The following DSCAM variants were observed in gnomAD, a reference collection of about 807,000 sequenced individuals.
DSCAM encodes the protein DS cell adhesion molecule.
DSCAM carries 47 observed loss-of-function variants against 217.7 expected under a neutral mutation model. That is an observed-to-expected ratio of 0.22 (90% CI 0.17 to 0.28). The LOEUF (loss-of-function observed/expected upper bound fraction) is 0.28, where lower values mean the gene tolerates loss of function less well. Ranked by LOEUF, DSCAM falls within the 10% of genes least tolerant of loss-of-function variation. The probability of loss-of-function intolerance (pLI) is 1.00; values close to 1 mark genes in which losing one functional copy is unlikely to be tolerated. For missense variants in DSCAM, 2,080 were observed against 2,618.3 expected (o/e 0.79, Z 4.49); for synonymous variants, 1,056 against 1,015.3 (o/e 1.04, Z -0.76).
chr21:40,326,931 T>C (rs866446054), intron 8 of DSCAM, among the ~76,000 whole-genome samples: 6 of 149,540 alleles, frequency 4.0e-5, no homozygotes, highest in Non-Finnish European at 7.4e-5. Context: ...ACTATATGTA[T>C]ATTTATATTT....
intron 16 of DSCAM, among the ~76,000 whole-genome samples, chr21:40,162,953 T>C (rs951006876): frequency 6.6e-6 from 1 of 152,202 alleles, no homozygotes; most frequent in African/African-American, 2.4e-5. Context: ...ACAAATTTTA[T>C]ATCAATAGGA....
chr21:40,254,896 G>A (rs1012781945), intron 11 of DSCAM, among the ~76,000 whole-genome samples: 2 of 151,914 alleles, frequency 1.3e-5, no homozygotes, highest in Non-Finnish European at 2.9e-5. Context: ...GTGCCATCTA[G>A]TAAGTGCCTT....
intron 11 of DSCAM, among the ~76,000 whole-genome samples, chr21:40,247,705 G>T (rs758828899): frequency 6.6e-6 from 1 of 152,222 alleles, no homozygotes; most frequent in Non-Finnish European, 1.5e-5. Context: ...GTAGGCACAT[G>T]ATGCAAACTG....
chr21:40,142,827 T>C, intron 17 of DSCAM, 123 bp from the exon 18 acceptor site: 2 of 1,120,622 alleles, frequency 1.8e-6, no homozygotes, highest in Middle Eastern at 5.2e-4. Context: ...AACCCCAAAA[T>C]GAAAGAAAAA....
At chr21:40,485,314 C>T (rs1028797011) in intron 3 of DSCAM, among the ~76,000 whole-genome samples, 8 of 148,464 alleles carry the variant, frequency 5.4e-5, no homozygotes. Flanking sequence ...GCGATCTCGG[C>T]TCACTGCAAG....
At chr21:40,684,622 G>A (rs1362672190) in intron 3 of DSCAM, among the ~76,000 whole-genome samples, 1 of 152,216 alleles carries the variant, frequency 6.6e-6, no homozygotes, top group East Asian at 1.9e-4. Flanking sequence ...TTCTTGAGTA[G>A]CTAGCAAGTT....
chr21:40,148,650 G>A (rs1483365955), intron 16 of DSCAM, among the ~76,000 whole-genome samples: 3 of 151,746 alleles, frequency 2.0e-5, no homozygotes, highest in African/African-American at 7.3e-5. Flanking sequence ...CACCTCTGCA[G>A]GTCACTGTCA....
chr21:40,817,304 C>A (rs759803573), intron 1 of DSCAM, among the ~76,000 whole-genome samples: 5 of 152,144 alleles, frequency 3.3e-5, no homozygotes, highest in Non-Finnish European at 5.9e-5. Context: ...AGCTTAAGTG[C>A]AAATCAGATC....
chr21:40,336,903 C>T (rs2074434932), intron 8 of DSCAM, among the ~76,000 whole-genome samples: 2 of 152,100 alleles, frequency 1.3e-5, no homozygotes, highest in African/African-American at 2.4e-5. Flanking sequence ...ATAAACACAA[C>T]CACCAAATGA....
intron 1 of DSCAM, among the ~76,000 whole-genome samples, chr21:40,808,667 G>A (rs554837314): frequency 6.6e-6 from 1 of 151,966 alleles, no homozygotes; most frequent in East Asian, 1.9e-4. Flanking sequence ...GTAGAGACAG[G>A]ATTTCACCAT....
intron 1 of DSCAM, among the ~76,000 whole-genome samples, chr21:40,821,414 C>A (rs1340378113): frequency 1.3e-5 from 2 of 151,886 alleles, no homozygotes; most frequent in Non-Finnish European, 2.9e-5. Flanking sequence ...CACACACACA[C>A]ACACCCCACA....
At chr21:40,261,636 A>G (rs1475604517) in intron 11 of DSCAM, among the ~76,000 whole-genome samples, 2 of 115,400 alleles carry the variant, frequency 1.7e-5, no homozygotes, top group Non-Finnish European at 1.7e-5. Context: ...TAATAAACTT[A>G]TTCTCTCTCT....
intron 18 of DSCAM, among the ~76,000 whole-genome samples, chr21:40,137,336 A>G (rs1479706969): frequency 2.6e-5 from 4 of 152,000 alleles, no homozygotes; most frequent in Non-Finnish European, 5.9e-5. Flanking sequence ...CAAAATCCCA[A>G]TTTTAAGATT....
intron 3 of DSCAM, among the ~76,000 whole-genome samples, chr21:40,578,383 A>G (rs563950098): frequency 1.3e-5 from 2 of 152,176 alleles, no homozygotes; most frequent in Admixed American, 1.3e-4. Flanking sequence ...GTGTCTAGCT[A>G]AAGGATTGTA....
At chr21:40,734,186 G>T (rs981902953) in intron 1 of DSCAM, among the ~76,000 whole-genome samples, 1 of 152,156 alleles carries the variant, frequency 6.6e-6, no homozygotes, top group African/African-American at 2.4e-5. Flanking sequence ...GCTAAATGTT[G>T]TCAAAAGATG....
chr21:40,825,470 A>AC (rs1476299147), intron 1 of DSCAM, among the ~76,000 whole-genome samples: 1 of 151,986 alleles, frequency 6.6e-6, no homozygotes, highest in Non-Finnish European at 1.5e-5. Context: ...GGCACTTACC[A>AC]CCACGCCCGG....
intron 9 of DSCAM, among the ~76,000 whole-genome samples, chr21:40,299,401 A>AT (rs1395029832): frequency 6.6e-6 from 1 of 152,138 alleles, no homozygotes; most frequent in East Asian, 1.9e-4. Context: ...GTGAGTTACA[A>AT]TAAGAACTCT....
chr21:40,740,054 C>T (rs1176917208), intron 1 of DSCAM, among the ~76,000 whole-genome samples: 1 of 143,866 alleles, frequency 7.0e-6, no homozygotes, highest in Non-Finnish European at 1.5e-5. Flanking sequence ...TGTGACAACA[C>T]CTGTATGTGG....
At chr21:40,256,032 C>G (rs1294228454) in intron 11 of DSCAM, among the ~76,000 whole-genome samples, 1 of 152,222 alleles carries the variant, frequency 6.6e-6, no homozygotes, top group African/African-American at 2.4e-5. Context: ...CCTTAAGTCA[C>G]TAAGTTTGTG....
Sources: allele counts gnomAD v4.1 joint callset (sites outside exome capture counted in the v4.1 genomes callset), GRCh38; gene constraint gnomAD v4.1.1; transcripts MANE v1.5; gene names NCBI Gene and HGNC (gene_info 2026-07-23, HGNC 2026-07-21).